KCNJ6: variants seen among roughly 807,000 people sequenced by gnomAD.
KCNJ6 encodes G protein-activated inward rectifier potassium channel 2.
In KCNJ6, 9 loss-of-function variants were observed where a neutral mutation model predicts 34.2. The observed-to-expected ratio is 0.26, with a 90% confidence interval of 0.16 to 0.46. The LOEUF (loss-of-function observed/expected upper bound fraction) is 0.46, where lower values mean the gene tolerates loss of function less well. KCNJ6 is among the 20% of genes least tolerant of loss of function. The pLI is 1.00. For synonymous variants in KCNJ6, 196 were observed against 207.1 expected (o/e 0.95, Z 0.46); for missense variants, 236 against 531.3 (o/e 0.44, Z 5.46).
chr21:37,914,658 G>A (rs986741820), intron 1 of KCNJ6, among the ~76,000 whole-genome samples: 6 of 152,186 alleles, frequency 3.9e-5, no homozygotes, highest in African/African-American at 1.2e-4. Context: ...CTTTCTCCAG[G>A]CAAAATGGGC....
rs551421668 is a variant in KCNJ6, at chr21:37,782,564, G to A, written c.25+58094C>T. Among the ~76,000 whole-genome samples the A allele has an allele frequency of 1.3e-4, 20 of 152,144 alleles. No homozygotes were observed. In the East Asian group the frequency reaches 3.7e-3, roughly 28 times the overall value. On this transcript the variant is annotated intron_variant, in intron 2 of 3. Transcript: ENST00000609713. ...CCCCGTGTGGCTTTCCTCCTTCATG[G>A]CCACAACTCCCTCCACCCAGGGGAC...
intron 2 of KCNJ6, among the ~76,000 whole-genome samples, chr21:37,758,322 G>A (rs2055041773): frequency 6.6e-6 from 1 of 152,176 alleles, no homozygotes; most frequent in African/African-American, 2.4e-5. Flanking sequence ...TGGTGGGAGT[G>A]TGTGTAGAAT....
intron 3 of KCNJ6, among the ~76,000 whole-genome samples, chr21:37,662,643 T>G (rs773956438): frequency 1.3e-5 from 2 of 152,186 alleles, no homozygotes; most frequent in African/African-American, 4.8e-5. Context: ...GATTGCTGGG[T>G]CATATGATAT....
intron 2 of KCNJ6, among the ~76,000 whole-genome samples, chr21:37,778,338 A>G (rs1225720870): frequency 6.6e-6 from 1 of 152,116 alleles, no homozygotes; most frequent in African/African-American, 2.4e-5. Context: ...TGTTTCTAAG[A>G]TTGTAAAACT....
intron 1 of KCNJ6, among the ~76,000 whole-genome samples, chr21:37,907,410 A>G (rs2055847033): frequency 6.6e-6 from 1 of 152,292 alleles, no homozygotes; most frequent in South Asian, 2.1e-4. Context: ...GGTGAGGTCC[A>G]GTCTGATTTG....
chr21:37,658,517 G>T (rs528613655), intron 3 of KCNJ6, among the ~76,000 whole-genome samples: 1 of 152,234 alleles, frequency 6.6e-6, no homozygotes, highest in African/African-American at 2.4e-5. Flanking sequence ...AGAAAGCCCC[G>T]AAGAAATGGG....
chr21:37,728,698 G>A (rs858034), intron 2 of KCNJ6, among the ~76,000 whole-genome samples: 77,214 of 149,874 alleles, frequency 0.52, 20,053 homozygotes, highest in Admixed American at 0.57. Flanking sequence ...GTGTGTGTGT[G>A]TATATATATA....
intron 1 of KCNJ6, among the ~76,000 whole-genome samples, chr21:37,890,113 A>G (rs2055755157): frequency 6.6e-6 from 1 of 152,174 alleles, no homozygotes; most frequent in South Asian, 2.1e-4. Context: ...GTAATTTATA[A>G]AGGAAAGAGC....
chr21:37,748,151 G>T (rs1450979612), intron 2 of KCNJ6, among the ~76,000 whole-genome samples: 1 of 152,184 alleles, frequency 6.6e-6, no homozygotes, highest in Non-Finnish European at 1.5e-5. Context: ...CCAGGTACGG[G>T]TGGTGTCCCT....
intron 2 of KCNJ6, among the ~76,000 whole-genome samples, chr21:37,799,896 T>A (rs1319896422): frequency 6.6e-6 from 1 of 152,218 alleles, no homozygotes; most frequent in African/African-American, 2.4e-5. Flanking sequence ...GTTACAATTT[T>A]AAAATTATTA....
At chr21:37,655,430 C>G (rs970804523) in intron 3 of KCNJ6, among the ~76,000 whole-genome samples, 2 of 152,034 alleles carry the variant, frequency 1.3e-5, no homozygotes, top group Non-Finnish European at 2.9e-5. Context: ...TGAATGAACT[C>G]ATTGATTGTT....
intron 2 of KCNJ6, among the ~76,000 whole-genome samples, chr21:37,824,482 C>A (rs2055389292): frequency 6.6e-6 from 1 of 151,912 alleles, no homozygotes; most frequent in South Asian, 2.1e-4. Flanking sequence ...GGGGCAAGTT[C>A]TCTCCCAGGC....
intron 3 of KCNJ6, among the ~76,000 whole-genome samples, chr21:37,646,491 A>ACT (rs1190882604): frequency 6.6e-6 from 1 of 152,094 alleles, no homozygotes; most frequent in African/African-American, 2.4e-5. Context: ...GAGTAACAGC[A>ACT]CTGTGTGCCT....
chr21:37,854,273 A>C (rs1470176347), intron 1 of KCNJ6, among the ~76,000 whole-genome samples: 5 of 152,280 alleles, frequency 3.3e-5, no homozygotes, highest in Admixed American at 6.5e-5. Flanking sequence ...ATTTAAAAAA[A>C]GTATGGCAAT....
intron 3 of KCNJ6, among the ~76,000 whole-genome samples, chr21:37,660,190 G>A (rs541994161): frequency 3.3e-5 from 5 of 152,270 alleles, no homozygotes; most frequent in African/African-American, 9.6e-5. Flanking sequence ...CACCTGCCTG[G>A]GCACACACCT....
intron 3 of KCNJ6, among the ~76,000 whole-genome samples, chr21:37,628,435 A>G (rs2123364648): frequency 6.6e-6 from 1 of 152,352 alleles, no homozygotes; most frequent in East Asian, 1.9e-4. Context: ...AACAGATTTG[A>G]GCTGGCAGAA....
At chr21:37,671,541 T>C (rs557529870) in intron 3 of KCNJ6, among the ~76,000 whole-genome samples, 8 of 152,392 alleles carry the variant, frequency 5.2e-5, no homozygotes, top group South Asian at 2.1e-4. Flanking sequence ...CGCAAATTAA[T>C]TGAATCCCAG....
chr21:37,799,647 A>T (rs1265349490), intron 2 of KCNJ6, among the ~76,000 whole-genome samples: 1 of 152,204 alleles, frequency 6.6e-6, no homozygotes, highest in African/African-American at 2.4e-5. Flanking sequence ...AAAAGATATA[A>T]ACACTCAGGA....
chr21:37,744,344 G>A (rs1444566065), intron 2 of KCNJ6, among the ~76,000 whole-genome samples: 1 of 151,916 alleles, frequency 6.6e-6, no homozygotes, highest in African/African-American at 2.4e-5. Flanking sequence ...GATAGTATAG[G>A]TGTCTATTTT....
Sources: allele counts gnomAD v4.1 joint callset (sites outside exome capture counted in the v4.1 genomes callset), GRCh38; gene constraint gnomAD v4.1.1; transcripts MANE v1.5; gene names NCBI Gene and HGNC (gene_info 2026-07-23, HGNC 2026-07-21).